The following NRXN3 variants were observed in gnomAD, a reference collection of about 807,000 sequenced individuals.
NRXN3 encodes the protein neurexin 3.
In NRXN3, 32 loss-of-function variants were observed where a neutral mutation model predicts 137.6. That is an observed-to-expected ratio of 0.23 (90% CI 0.18 to 0.31). NRXN3 has a LOEUF of 0.31. Among genes scored for constraint, NRXN3 ranks in the 10% least tolerant of loss-of-function variants. The pLI is 1.00. For synonymous variants in NRXN3, 798 were observed against 784.5 expected (o/e 1.02, Z -0.29); for missense variants, 1,574 against 2,062.5 (o/e 0.76, Z 4.59).
chr14:78,688,991 A>G (rs2098146094), intron 6 of NRXN3, among the ~76,000 whole-genome samples: 1 of 152,096 alleles, frequency 6.6e-6, no homozygotes, highest in Admixed American at 6.6e-5. Context: ...TATGTAGTCT[A>G]TATTCTGTAC....
intron 4 of NRXN3, among the ~76,000 whole-genome samples, chr14:78,342,920 C>T (rs1476707898): frequency 6.6e-6 from 1 of 152,162 alleles, no homozygotes; most frequent in East Asian, 1.9e-4. Flanking sequence ...CCCCCTGCCT[C>T]CCACTTTTTG....
chr14:79,396,508 T>G (rs1318757437), intron 15 of NRXN3, among the ~76,000 whole-genome samples: 1 of 152,142 alleles, frequency 6.6e-6, no homozygotes, highest in African/African-American at 2.4e-5. Flanking sequence ...GTCCTGGTGC[T>G]GTTTTTAAAA....
intron 15 of NRXN3, among the ~76,000 whole-genome samples, chr14:79,371,963 C>G (rs1238345897): frequency 6.6e-6 from 1 of 152,062 alleles, no homozygotes; most frequent in Non-Finnish European, 1.5e-5. Context: ...ACCAAAATGG[C>G]AGAACATTTA....
chr14:78,651,250 A>G lies in NRXN3; in HGVS notation c.1145A>G (p.Tyr382Cys). 6 of 1,614,006 alleles carry G rather than the reference A, an allele frequency of 3.7e-6. No individual in the cohort carries two copies. The highest frequency in any genetic ancestry group is 1.1e-5 in the South Asian group (1 of 91,080). ...YTMLGSDDFF[Y>C]VGGSPSTADL... ...ATGCTGGGCTCGGACGACTTCTTCTATGTAGGAGGAAGCCCAAGTACCGCT... is the reference window on the plus strand; with the variant it reads ...ATGCTGGGCTCGGACGACTTCTTCTGTGTAGGAGGAAGCCCAAGTACCGCT... The change falls in exon 6 of 21, where the codon TAT (tyrosine) becomes TGT (cysteine). Residue 382 changes from tyrosine (Y) to cysteine (C), a missense_variant. Physicochemically the swap from Tyr to Cys is radical, Grantham distance 194. Coordinates refer to ENST00000335750, the MANE Select transcript of NRXN3 (RefSeq NM_001330195.2).
chr14:78,488,359 T>C (rs546279737), intron 4 of NRXN3, among the ~76,000 whole-genome samples: 1 of 152,322 alleles, frequency 6.6e-6, no homozygotes, highest in African/African-American at 2.4e-5. Flanking sequence ...AGGAATATTG[T>C]TAAATGATAA....
chr14:79,455,836 A>G (rs2096250480), intron 15 of NRXN3, among the ~76,000 whole-genome samples: 1 of 151,812 alleles, frequency 6.6e-6, no homozygotes, highest in Non-Finnish European at 1.5e-5. Flanking sequence ...CTTTTATATT[A>G]TTTCAAATAT....
At chr14:79,030,760 TTC>T (rs1451021208) in intron 15 of NRXN3, among the ~76,000 whole-genome samples, 2 of 151,670 alleles carry the variant, frequency 1.3e-5, no homozygotes, top group East Asian at 3.9e-4. Flanking sequence ...GAAACTGTCT[TTC>T]TCTGCTATTA....
At chr14:78,294,140 C>T (rs972786273) in intron 3 of NRXN3, among the ~76,000 whole-genome samples, 22 of 152,220 alleles carry the variant, frequency 1.4e-4, no homozygotes, top group African/African-American at 5.1e-4. Flanking sequence ...TCCATTCACT[C>T]ATTCAATCAT....
intron 15 of NRXN3, among the ~76,000 whole-genome samples, chr14:79,349,458 G>A (rs572254950): frequency 7.3e-5 from 11 of 151,260 alleles, no homozygotes; most frequent in Non-Finnish European, 1.2e-4. Context: ...AGAAAGGAGA[G>A]CAAATACCTC....
At chr14:78,422,688 G>T (rs937516196) in intron 4 of NRXN3, among the ~76,000 whole-genome samples, 1 of 152,228 alleles carries the variant, frequency 6.6e-6, no homozygotes, top group Non-Finnish European at 1.5e-5. Flanking sequence ...CACAATGCTA[G>T]AGGCACTAAG....
chr14:79,252,765 C>T (rs1028729304), intron 15 of NRXN3, among the ~76,000 whole-genome samples: 1 of 152,174 alleles, frequency 6.6e-6, no homozygotes, highest in Non-Finnish European at 1.5e-5. Flanking sequence ...GTCAGCAACA[C>T]AATTTTTCCA....
intron 10 of NRXN3, among the ~76,000 whole-genome samples, chr14:78,948,721 G>T (rs775435689): frequency 6.8e-6 from 1 of 147,752 alleles, no homozygotes; most frequent in Non-Finnish European, 1.5e-5. Context: ...GAAAGCCCAG[G>T]TTATACTCTT....
Position 79,819,357 on chromosome 14 carries a change from G to C in NRXN3, c.4093+14167G>C, listed in dbSNP as rs147116345. On this transcript the variant is annotated intron_variant, in intron 20 of 20. Coordinates refer to ENST00000335750, the MANE Select transcript of NRXN3 (RefSeq NM_001330195.2). ...TAGAGAAGTCCCATAGGTTAAAAAT[G>C]TGTAGTCTTTTTTTTTGTTTTTAAT... Among the ~76,000 whole-genome samples the C allele has an allele frequency of 2.6e-5, 4 of 151,964 alleles. No individual in the cohort carries two copies. In the East Asian group the frequency reaches 7.8e-4, roughly 29 times the overall value.
chr14:79,160,321 C>G (rs1187426505), intron 15 of NRXN3, among the ~76,000 whole-genome samples: 1 of 151,928 alleles, frequency 6.6e-6, no homozygotes, highest in African/African-American at 2.4e-5. Context: ...CTTTCTCTGA[C>G]CTGGATTCTC....
At chr14:78,389,832 TTAGA>T (rs1297051677) in intron 4 of NRXN3, among the ~76,000 whole-genome samples, 8 of 152,192 alleles carry the variant, frequency 5.3e-5, no homozygotes, top group African/African-American at 1.7e-4. Context: ...AAGTCAGAGA[TTAGA>T]TAAATATTCA....
intron 15 of NRXN3, among the ~76,000 whole-genome samples, chr14:79,380,469 T>C (rs1599451540): frequency 1.3e-5 from 2 of 151,886 alleles, no homozygotes; most frequent in South Asian, 2.1e-4. Context: ...GTCCTTGCGA[T>C]AGTTTACTGA....
intron 19 of NRXN3, among the ~76,000 whole-genome samples, chr14:79,700,156 A>G (rs1038464849): frequency 9.2e-5 from 14 of 152,002 alleles, no homozygotes; most frequent in African/African-American, 3.1e-4. Flanking sequence ...GGACCCAACA[A>G]CTATTGGATT....
chr14:79,077,434 A>T (rs1053598233), intron 15 of NRXN3, among the ~76,000 whole-genome samples: 11 of 152,004 alleles, frequency 7.2e-5, no homozygotes, highest in African/African-American at 2.7e-4. Flanking sequence ...TTTCCTATTC[A>T]TCTGAATTCT....
chr14:79,700,619 A>C (rs750188613), intron 19 of NRXN3, among the ~76,000 whole-genome samples: 2 of 152,100 alleles, frequency 1.3e-5, no homozygotes, highest in Non-Finnish European at 2.9e-5. Flanking sequence ...TTCCTGGTCA[A>C]CCTGAGGTAG....
Sources: allele counts gnomAD v4.1 joint callset (sites outside exome capture counted in the v4.1 genomes callset), GRCh38; gene constraint gnomAD v4.1.1; transcripts MANE v1.5; gene names NCBI Gene and HGNC (gene_info 2026-07-23, HGNC 2026-07-21).